TMEM243: variants seen among roughly 807,000 people sequenced by gnomAD.
TMEM243 encodes MDR1 and mitochondrial taxol resistance associated.
TMEM243 carries 20 observed loss-of-function variants against 15.0 expected under a neutral mutation model. The observed-to-expected ratio is 1.33, with a 90% CI of 0.94 to 1.93. The LOEUF is 1.93. Ranked by LOEUF, TMEM243 falls within the 30% of genes most tolerant of loss-of-function variation. The probability of loss-of-function intolerance (pLI) is 0.00; values close to 1 mark genes in which losing one functional copy is unlikely to be tolerated. For missense variants in TMEM243, 156 were observed against 142.1 expected, an observed-to-expected ratio of 1.10 and a Z score of -0.50; for synonymous variants, 72 against 52.7, an observed-to-expected ratio of 1.37 and a Z score of -1.59.
chr7:87,203,773 G>T (rs1244258917), intron 1 of TMEM243, among the ~76,000 whole-genome samples: 4 of 151,950 alleles, frequency 2.6e-5, no homozygotes, highest in African/African-American at 9.7e-5. Context: ...GCTCTAAAAA[G>T]AATTTGTCCC....
intron 1 of TMEM243, among the ~76,000 whole-genome samples, chr7:87,216,270 T>C (rs1478191993): frequency 1.2e-4 from 3 of 25,620 alleles, no homozygotes; most frequent in African/African-American, 2.1e-4. Context: ...TGAGACTCCG[T>C]CTCAAAAAAA....
intron 1 of TMEM243, among the ~76,000 whole-genome samples, chr7:87,205,584 G>A (rs2129227544): frequency 6.6e-6 from 1 of 152,156 alleles, no homozygotes; most frequent in Middle Eastern, 3.4e-3. Context: ...TCTAGGGCTG[G>A]GGCAAAGTGC....
chr7:87,197,974 G>A lies in TMEM243; in HGVS notation c.201C>T (p.Cys67=). ...PKPLNIFFAV[C]ISLSSITACI... is the part of the protein sequence containing the mutation. ...AGGCAGTAATACTACTCAAAGAGAT[G>A]CAGACAGCAAAGAATATATTCAACG... Residue 67 remains cysteine (C), a synonymous_variant, in exon 3 of 4, where the codon TGC becomes TGT. Coordinates refer to ENST00000257637, the MANE Select transcript of TMEM243 (RefSeq NM_024315.4). The A allele has an allele frequency of 6.2e-7, 1 of 1,613,016 alleles. No individual in the cohort carries two copies. The highest frequency in any genetic ancestry group is 8.5e-7 in the Non-Finnish European group (1 of 1,179,332).
chr7:87,212,482 GC>G (rs1479599004), intron 1 of TMEM243, among the ~76,000 whole-genome samples: 6 of 152,088 alleles, frequency 3.9e-5, no homozygotes, highest in Admixed American at 3.9e-4. Flanking sequence ...CCAAAGACCA[GC>G]AAAAATCACA....
At chr7:87,217,799 G>A (rs1803218863) in intron 1 of TMEM243, among the ~76,000 whole-genome samples, 1 of 152,226 alleles carries the variant, frequency 6.6e-6, no homozygotes, top group African/African-American at 2.4e-5. Flanking sequence ...GAATAATAAA[G>A]TTCTTGAATG....
At chr7:87,215,144 C>T (rs1432891063) in intron 1 of TMEM243, among the ~76,000 whole-genome samples, 1 of 152,058 alleles carries the variant, frequency 6.6e-6, no homozygotes. Flanking sequence ...AGACTTCATA[C>T]AAAAAAATTG....
chr7:87,209,831 TGAGAGA>T (rs1252787697), intron 1 of TMEM243, among the ~76,000 whole-genome samples: 1 of 72,502 alleles, frequency 1.4e-5, no homozygotes, highest in Non-Finnish European at 2.8e-5. Flanking sequence ...CGAGAGACAG[TGAGAGA>T]GAGACAGTGA....
At chr7:87,205,428 T>A (rs1243969016) in intron 1 of TMEM243, among the ~76,000 whole-genome samples, 1 of 152,094 alleles carries the variant, frequency 6.6e-6, no homozygotes, top group African/African-American at 2.4e-5. Flanking sequence ...AGGCTGCAAA[T>A]TTTCCAAACT....
intron 3 of TMEM243, 27 bp downstream of exon 3, chr7:87,197,914 A>G (rs199725948): frequency 6.8e-6 from 11 of 1,612,616 alleles, no homozygotes; most frequent in Non-Finnish European, 9.3e-6. Context: ...CCTCAAGAAC[A>G]CTGTTTAAAT....
chr7:87,213,950 CTT>C (rs1391729071), intron 1 of TMEM243, among the ~76,000 whole-genome samples: 2 of 152,152 alleles, frequency 1.3e-5, no homozygotes, highest in Non-Finnish European at 2.9e-5. Flanking sequence ...AAATCATTGA[CTT>C]TATATATCAC....
At chr7:87,211,956 G>T (rs1379393601) in intron 1 of TMEM243, among the ~76,000 whole-genome samples, 1 of 152,228 alleles carries the variant, frequency 6.6e-6, no homozygotes, top group Non-Finnish European at 1.5e-5. Context: ...AAGCATTTAT[G>T]AGAATTTGGG....
chr7:87,211,810 A>G (rs1256733958), intron 1 of TMEM243, among the ~76,000 whole-genome samples: 2 of 152,222 alleles, frequency 1.3e-5, no homozygotes, highest in African/African-American at 4.8e-5. Flanking sequence ...ACACAGGTGG[A>G]AAGCAAGGAG....
At chr7:87,219,867 C>A, upstream of TMEM243, 2 of 309,914 alleles carry the variant, frequency 6.5e-6, no homozygotes, top group Non-Finnish European at 1.2e-5. Context: ...CGCCGCCCGC[C>A]GCTCGCCCCC....
At chr7:87,204,741 G>C (rs1451095172) in intron 1 of TMEM243, among the ~76,000 whole-genome samples, 2 of 152,222 alleles carry the variant, frequency 1.3e-5, no homozygotes, top group Admixed American at 6.5e-5. Context: ...CTGGCCTTGA[G>C]TGTCTGTGGC....
At chr7:87,199,748 TTAAAC>T (rs1283838708) in intron 1 of TMEM243, 2 of 152,300 alleles carry the variant, frequency 1.3e-5, no homozygotes, top group African/African-American at 2.4e-5. Flanking sequence ...ATTTTACAGG[TTAAAC>T]TAAATTTAGG....
Position 87,219,628 on chromosome 7 carries a change from G to C in TMEM243, c.-125C>G. 3 of 830,002 alleles carry C rather than the reference G, an allele frequency of 3.6e-6. No homozygotes were observed. Among genetic ancestry groups the C allele is most frequent in the Admixed American group, 2.5e-5 (1 of 40,362 alleles). 51.4% of individuals were successfully genotyped at this position (830,002 alleles called of 1,614,324 possible). Reference sequence around the variant, plus strand: ...CGCATAGCCGAACCCGAGTGGTCGGGGAAGCGCTGGCGCCAGGGATGGGTG... The same window carrying C: ...CGCATAGCCGAACCCGAGTGGTCGGCGAAGCGCTGGCGCCAGGGATGGGTG... On this transcript the variant is annotated 5_prime_UTR_variant, in exon 1 of 4. Transcript: ENST00000257637.
At chr7:87,200,318 T>C (rs992277055) in intron 1 of TMEM243, among the ~76,000 whole-genome samples, 1 of 152,222 alleles carries the variant, frequency 6.6e-6, no homozygotes, top group Admixed American at 6.5e-5. Flanking sequence ...TAGAGAAGCC[T>C]ACACAGCACA....
At chr7:87,211,729 G>A (rs1219839494) in intron 1 of TMEM243, among the ~76,000 whole-genome samples, 1 of 152,222 alleles carries the variant, frequency 6.6e-6, no homozygotes, top group African/African-American at 2.4e-5. Context: ...GTCCCTCAGA[G>A]CAGCATGGCT....
At chr7:87,219,255 G>A (rs970467823) in intron 1 of TMEM243, among the ~76,000 whole-genome samples, 171 bp downstream of exon 1, 2 of 152,190 alleles carry the variant, frequency 1.3e-5, no homozygotes, top group African/African-American at 4.8e-5. Context: ...ATGTCCCAAA[G>A]CAGGCGACGA....
Sources: allele counts gnomAD v4.1 joint callset (sites outside exome capture counted in the v4.1 genomes callset), GRCh38; gene constraint gnomAD v4.1.1; transcripts MANE v1.5; gene names NCBI Gene and HGNC (gene_info 2026-07-23, HGNC 2026-07-21).